Variants in CNKSR2 observed in about 807,000 individuals in gnomAD.
CNKSR2 encodes the protein CNK homolog protein 2.
CNKSR2 carries 14 observed loss-of-function variants against 84.4 expected under a neutral mutation model. The observed-to-expected ratio is 0.17, with a 90% confidence interval of 0.11 to 0.26. CNKSR2 has a LOEUF of 0.26. CNKSR2 is among the 10% of genes least tolerant of loss of function. The pLI is 1.00. For synonymous variants in CNKSR2, 275 were observed against 277.9 expected (o/e 0.99, Z 0.10); for missense variants, 485 against 771.2 (o/e 0.63, Z 4.40).
chrX:21,649,069 C>G (rs756030118), intron 21 of CNKSR2, 42 bp downstream of exon 21: 15 of 1,005,825 alleles, frequency 1.5e-5, no homozygotes, highest in Non-Finnish European at 1.9e-5. Flanking sequence ...TGAAGAGATT[C>G]ATTCTTAAAG....
intron 5 of CNKSR2, among the ~76,000 whole-genome samples, chrX:21,473,745 G>GTTTTTTTTTTTTTTTGTTTTTTT (rs2091226636): frequency 1.5e-5 from 1 of 67,231 alleles, no homozygotes; most frequent in African/African-American, 1.0e-4. Context: ...TGTTGGTTTG[G>GTTTTTTTTTTTTTTTGTTTTTTT]TTTTTTTTTT....
intron 1 of CNKSR2, among the ~76,000 whole-genome samples, chrX:21,414,837 T>C (rs1340466108): frequency 8.9e-6 from 1 of 111,849 alleles, no homozygotes; most frequent in Middle Eastern, 4.2e-3. Flanking sequence ...TCCTTGGCAC[T>C]TTTGTCGAAA....
chrX:21,548,942 A>G (rs967283748), intron 11 of CNKSR2, among the ~76,000 whole-genome samples: 2 of 112,412 alleles, frequency 1.8e-5, no homozygotes, highest in Non-Finnish European at 3.8e-5. Context: ...AGAGCTATTT[A>G]TGACAAACCC....
chrX:21,612,237 A>C (rs1353729784), intron 20 of CNKSR2, among the ~76,000 whole-genome samples: 1 of 112,230 alleles, frequency 8.9e-6, no homozygotes, highest in East Asian at 2.8e-4. Flanking sequence ...GTTCAAATCA[A>C]GCTGTCTGGT....
intron 5 of CNKSR2, 27 bp downstream of exon 5, chrX:21,470,834 C>T (rs774979235): frequency 1.2e-6 from 1 of 858,341 alleles, no homozygotes; most frequent in Non-Finnish European, 1.6e-6. Flanking sequence ...TTATTTTAAT[C>T]TTTATTAGAG....
At chrX:21,566,445 A>G (rs1038440850) in intron 13 of CNKSR2, among the ~76,000 whole-genome samples, 2 of 112,080 alleles carry the variant, frequency 1.8e-5, no homozygotes, top group South Asian at 7.4e-4. Flanking sequence ...TCCTGAAAAC[A>G]CAATGTCAGT....
In CNKSR2 at chrX:21,582,462, A is replaced by G. The variant is rs146221352; in HGVS notation, c.1609-8110A>G. Among the ~76,000 whole-genome samples, 107 of 111,648 alleles carry G rather than the reference A, an allele frequency of 9.6e-4. 2 individuals are homozygous for G. The Admixed American group carries it at 1.0e-2, about 10-fold the overall frequency. On this transcript the variant is annotated intron_variant, in intron 13 of 21. Coordinates refer to ENST00000379510, the MANE Select transcript of CNKSR2 (RefSeq NM_014927.5). The stretch of plus-strand genomic sequence containing the variant: ...TTTTTCTCTCTCTTTAATTGTTACT[A>G]TGACTACATAATACTTACTTGGGAG...
chrX:21,484,090 G>T (rs2091353282), intron 5 of CNKSR2, among the ~76,000 whole-genome samples: 1 of 111,871 alleles, frequency 8.9e-6, no homozygotes, highest in Non-Finnish European at 1.9e-5. Flanking sequence ...AGGAGTTCAA[G>T]ACCAGCCTGG....
chrX:21,567,717 AT>A lies in CNKSR2; in HGVS notation c.1608+4266del, dbSNP rs758324343. Among the ~76,000 whole-genome samples the A allele has an allele frequency of 4.5e-5, 5 of 111,179 alleles. No homozygotes were observed. The South Asian group carries it at 1.9e-3, about 43-fold the overall frequency. On this transcript the variant is annotated intron_variant, in intron 13 of 21. Transcript: ENST00000379510. Reference sequence around the variant, plus strand: ...ACCTACTTACTGATTCTGTCTGAAAATGTGGAAGCTGTTAGCTGCCAAAGCC... The same window carrying A: ...ACCTACTTACTGATTCTGTCTGAAAAGTGGAAGCTGTTAGCTGCCAAAGCC...
intron 15 of CNKSR2, chrX:21,593,338 A>G (rs1402388621): frequency 8.9e-6 from 1 of 112,153 alleles, no homozygotes; most frequent in Admixed American, 9.5e-5. Context: ...TTCAGTCACT[A>G]TCAGTAGCAT....
chrX:21,643,529 C>G (rs1476535694), intron 20 of CNKSR2: 2 of 111,694 alleles, frequency 1.8e-5, no homozygotes, highest in African/African-American at 6.5e-5. Context: ...TTCAGTGAAG[C>G]ACATTATCAT....
intron 8 of CNKSR2, among the ~76,000 whole-genome samples, chrX:21,515,587 A>G (rs1285575133): frequency 3.6e-5 from 4 of 111,512 alleles, no homozygotes; most frequent in Non-Finnish European, 5.7e-5. Context: ...AGACATTTTA[A>G]TGTGTTTCTT....
intron 4 of CNKSR2, among the ~76,000 whole-genome samples, chrX:21,466,293 GCTA>G (rs1385479229): frequency 1.8e-5 from 2 of 111,210 alleles, no homozygotes; most frequent in Admixed American, 9.6e-5. Context: ...CATATGCAAT[GCTA>G]TTTTCTCTTT....
At chrX:21,535,719 A>G (rs1311932989) in intron 11 of CNKSR2, among the ~76,000 whole-genome samples, 3 of 111,192 alleles carry the variant, frequency 2.7e-5, no homozygotes, top group African/African-American at 9.8e-5. Context: ...TTGATTTTGT[A>G]TACTGCAACT....
intron 3 of CNKSR2, among the ~76,000 whole-genome samples, chrX:21,436,470 A>G (rs1304628205): frequency 8.9e-6 from 1 of 111,761 alleles, no homozygotes; most frequent in African/African-American, 3.2e-5. Flanking sequence ...CGTATTATCT[A>G]TATGATGATT....
At chrX:21,577,772 T>G (rs893169410) in intron 13 of CNKSR2, among the ~76,000 whole-genome samples, 2 of 110,651 alleles carry the variant, frequency 1.8e-5, no homozygotes, top group African/African-American at 6.6e-5. Context: ...GGTCATAACC[T>G]GTACCAAATT....
chrX:21,601,516 C>T (rs945625642), intron 18 of CNKSR2, among the ~76,000 whole-genome samples, 167 bp downstream of exon 18: 2 of 111,513 alleles, frequency 1.8e-5, no homozygotes, highest in Middle Eastern at 4.6e-3. Flanking sequence ...AGGGACTGAA[C>T]GCTCAAATTT....
intron 12 of CNKSR2, among the ~76,000 whole-genome samples, chrX:21,562,662 G>A (rs1306278460): frequency 9.0e-6 from 1 of 111,303 alleles, no homozygotes; most frequent in Non-Finnish European, 1.9e-5. Context: ...TCACTGTTTT[G>A]GGACTTCATA....
intron 4 of CNKSR2, among the ~76,000 whole-genome samples, chrX:21,463,902 A>G (rs1156736344): frequency 1.8e-5 from 2 of 111,582 alleles, no homozygotes; most frequent in African/African-American, 3.3e-5. Context: ...GCCACGAGCT[A>G]TGCAACCTGG....
Sources: allele counts gnomAD v4.1 joint callset (sites outside exome capture counted in the v4.1 genomes callset), GRCh38; gene constraint gnomAD v4.1.1; transcripts MANE v1.5; gene names NCBI Gene and HGNC (gene_info 2026-07-23, HGNC 2026-07-21).